Variants in AGMO observed in about 807,000 individuals in gnomAD.
The protein encoded by AGMO is alkylglycerol monooxygenase, also known as glyceryl-ether monooxygenase.
AGMO carries 75 observed loss-of-function variants against 60.2 expected under a neutral mutation model. That is an observed-to-expected ratio of 1.25 (90% CI 1.03 to 1.51). The LOEUF (loss-of-function observed/expected upper bound fraction) is 1.51. Ranked by LOEUF, AGMO falls within the 40% of genes most tolerant of loss-of-function variation. AGMO has a pLI of 0.00. For synonymous variants in AGMO, 261 were observed against 177.1 expected, an observed-to-expected ratio of 1.47 and a Z score of -3.76; for missense variants, 763 against 525.5, an observed-to-expected ratio of 1.45 and a Z score of -4.42.
At chr7:15,318,450 C>G (rs1781008038) in intron 12 of AGMO, among the ~76,000 whole-genome samples, 1 of 152,064 alleles carries the variant, frequency 6.6e-6, no homozygotes, top group East Asian at 1.9e-4. Context: ...TTAAATGGAT[C>G]AGTTTAAAGA....
rs75519601 is a variant in AGMO, at chr7:15,369,785, A to C, written c.1075-3563T>G. Among the ~76,000 whole-genome samples, 510 of 152,294 alleles carry C rather than the reference A, an allele frequency of 3.3e-3. 1 individual carries two copies. The highest frequency in any genetic ancestry group is 0.011 in the African/African-American group (456 of 41,568). On this transcript the variant is annotated intron_variant, in intron 10 of 12. Transcript: ENST00000342526. ...GTCGTATCCCAAGGGCCTAGAATAT[A>C]GAACTCAATATGTTTATTGAAAGAC... is the stretch of plus-strand genomic sequence containing the variant.
rs1784258602 is a variant in AGMO at position 15,393,972 on chromosome 7, G to A, written c.676+141C>T. On this transcript the variant is annotated intron_variant, in intron 6 of 12. Transcript: ENST00000342526. ...TGGAGATGAGGCTTGTACCAAAGAA[G>A]ATAGAAAAGAAGAAACTATTATTTA... is the stretch of plus-strand genomic sequence containing the variant. 3.7e-5 allele frequency: 12 copies of A among 321,992 alleles called. No individual in the cohort carries two copies. The East Asian group carries it at 1.1e-3, about 29-fold the overall frequency. The allele number at this position is 321,992 out of a possible 1,614,324, so 19.9% of individuals were successfully genotyped here. A position where few individuals can be genotyped will look rare whatever the true frequency, so the allele number is the denominator to read the frequency against.
chr7:15,132,986 T>G, the AGMO span, among the ~76,000 whole-genome samples: 1 of 152,128 alleles, frequency 6.6e-6, no homozygotes, highest in Admixed American at 6.6e-5. Context: ...ATGGTCAACC[T>G]TTGACAGAAC....
chr7:15,194,709 T>C, the AGMO span, among the ~76,000 whole-genome samples: 1 of 152,188 alleles, frequency 6.6e-6, no homozygotes, highest in African/African-American at 2.4e-5. Context: ...AATATGGAGT[T>C]ATTAATTTGG....
At position 15,392,431 on chromosome 7, in the gene AGMO, C is replaced by A. The variant is rs187177353; in HGVS notation, c.677-1526G>T. 2.8e-3 allele frequency among the ~76,000 whole-genome samples: 432 copies of A among 152,132 alleles called. 1 individual carries two copies. The highest frequency in any genetic ancestry group is 9.5e-3 in the African/African-American group (395 of 41,506). ...TAATCCCCTTGGCCTCTCCACTCCC[C>A]AATTAGAGATACTTCTTGACTTATG... On this transcript the variant is annotated intron_variant, in intron 6 of 12. Coordinates refer to ENST00000342526, the MANE Select transcript of AGMO (RefSeq NM_001004320.2).
intron 5 of AGMO, among the ~76,000 whole-genome samples, chr7:15,408,485 G>A (rs1289486888): frequency 6.6e-6 from 1 of 151,688 alleles, no homozygotes; most frequent in Non-Finnish European, 1.5e-5. Flanking sequence ...AAAGGCAAGC[G>A]GTATTAACGA....
intron 12 of AGMO, among the ~76,000 whole-genome samples, chr7:15,291,936 T>C (rs537170749): frequency 7.2e-5 from 11 of 151,802 alleles, no homozygotes; most frequent in South Asian, 2.1e-4. Flanking sequence ...CCTGTGTAGA[T>C]TGTGGTGACG....
intron 10 of AGMO, among the ~76,000 whole-genome samples, chr7:15,384,243 T>TA (rs1234778667): frequency 6.6e-6 from 1 of 152,182 alleles, no homozygotes; most frequent in Admixed American, 6.5e-5. Context: ...AGCCTCAATT[T>TA]AGTCCATCTT....
At chr7:15,383,206 G>A (rs1244694826) in intron 10 of AGMO, among the ~76,000 whole-genome samples, 1 of 151,958 alleles carries the variant, frequency 6.6e-6, no homozygotes, top group Non-Finnish European at 1.5e-5. Context: ...ATTTTACCTA[G>A]AGCAAGTTGG....
chr7:15,375,508 T>C (rs932102396), intron 10 of AGMO, among the ~76,000 whole-genome samples: 5 of 151,294 alleles, frequency 3.3e-5, no homozygotes, highest in Non-Finnish European at 7.4e-5. Flanking sequence ...GTGATTCTCT[T>C]GCCTCAGCCT....
chr7:15,233,204 AC>A (rs1782309323), intron 12 of AGMO, among the ~76,000 whole-genome samples: 1 of 152,212 alleles, frequency 6.6e-6, no homozygotes, highest in Admixed American at 6.5e-5. Flanking sequence ...TGAGGACATT[AC>A]TTTTTTAATT....
chr7:15,208,756 G>T (rs1781503393), intron 12 of AGMO, among the ~76,000 whole-genome samples: 1 of 152,076 alleles, frequency 6.6e-6, no homozygotes, highest in Admixed American at 6.6e-5. Flanking sequence ...CTAGCTACAA[G>T]TAGAAACAAT....
intron 12 of AGMO, among the ~76,000 whole-genome samples, chr7:15,201,794 A>C (rs560279624): frequency 1.3e-5 from 2 of 152,308 alleles, no homozygotes; most frequent in South Asian, 2.1e-4. Flanking sequence ...GATCTAGCTT[A>C]CTATGAATTT....
intron 3 of AGMO, among the ~76,000 whole-genome samples, chr7:15,487,429 T>A: frequency 6.6e-6 from 1 of 152,066 alleles, no homozygotes; most frequent in Admixed American, 6.6e-5. Flanking sequence ...TAAAATTGAA[T>A]AATATACTTA....
chr7:15,218,704 G>C (rs1781822864), intron 12 of AGMO, among the ~76,000 whole-genome samples: 2 of 152,036 alleles, frequency 1.3e-5, no homozygotes, highest in Admixed American at 6.6e-5. Context: ...GGTCAGGAAA[G>C]CTTCAGAATA....
intron 4 of AGMO, among the ~76,000 whole-genome samples, chr7:15,425,687 G>A (rs1781040927): frequency 2.0e-5 from 3 of 152,098 alleles, no homozygotes; most frequent in Admixed American, 2.0e-4. Flanking sequence ...CAATCTGCCT[G>A]CCTCAGCCTC....
intron 2 of AGMO, among the ~76,000 whole-genome samples, chr7:15,557,368 A>G (rs985569871): frequency 6.6e-6 from 1 of 152,042 alleles, no homozygotes; most frequent in Non-Finnish European, 1.5e-5. Context: ...CCCTGTTGCT[A>G]GTGTAGAAAA....
At chr7:15,181,254 T>G in the AGMO span, among the ~76,000 whole-genome samples, 2 of 152,210 alleles carry the variant, frequency 1.3e-5, no homozygotes, top group Admixed American at 6.5e-5. Context: ...CATCTGGCTA[T>G]TATCACTTCA....
chr7:15,331,371 A>AT (rs1781494608), intron 12 of AGMO, among the ~76,000 whole-genome samples: 1 of 152,186 alleles, frequency 6.6e-6, no homozygotes, highest in Non-Finnish European at 1.5e-5. Context: ...AACAGGGATA[A>AT]TATATTTGTG....
Sources: gnomAD v4.1 joint callset for allele counts (sites outside exome capture counted in the v4.1 genomes callset) on GRCh38, gnomAD v4.1.1 for gene constraint, MANE v1.5 for transcripts, NCBI Gene and HGNC (gene_info 2026-07-23, HGNC 2026-07-21) for gene names.